The following OPCML variants were observed in gnomAD, a reference collection of about 807,000 sequenced individuals.
OPCML encodes opioid binding protein/cell adhesion molecule like, also known as opioid-binding protein/cell adhesion molecule.
OPCML carries 13 observed loss-of-function variants against 37.8 expected under a neutral mutation model. That is an observed-to-expected ratio of 0.34 (90% CI 0.22 to 0.55). OPCML has a LOEUF of 0.55. Ranked by LOEUF, OPCML falls within the 20% of genes least tolerant of loss-of-function variation. The pLI is 0.91. For missense variants in OPCML, 341 were observed against 435.6 expected, an observed-to-expected ratio of 0.78 and a Z score of 1.93; for synonymous variants, 176 against 168.8, an observed-to-expected ratio of 1.04 and a Z score of -0.33.
chr11:133,499,819 T>C (rs566493882), intron 1 of OPCML, among the ~76,000 whole-genome samples: 7 of 140,736 alleles, frequency 5.0e-5, no homozygotes, highest in South Asian at 2.2e-4. Context: ...TATATATATA[T>C]ACACACATAT....
intron 4 of OPCML, among the ~76,000 whole-genome samples, chr11:132,464,533 G>A (rs1309063157): frequency 1.5e-4 from 23 of 152,104 alleles, no homozygotes; most frequent in Non-Finnish European, 1.5e-5. Flanking sequence ...ACAATTATTT[G>A]TTAAGTAAAA....
chr11:133,373,311 G>A lies in OPCML; in HGVS notation c.61+158953C>T, dbSNP rs532477669. Among the ~76,000 whole-genome samples, 3 of 151,534 alleles carry A rather than the reference G, an allele frequency of 2.0e-5. No homozygotes were observed. The East Asian group carries it at 5.8e-4, about 29-fold the overall frequency. On this transcript the variant is annotated intron_variant, in intron 1 of 7. Coordinates refer to ENST00000524381, the MANE Select transcript of OPCML (RefSeq NM_001012393.5). ...GCCGCAGGGGCTCACACCTGTAATAGCAACACTTTGGGAGGCTGAGGCGGG... is the reference window on the plus strand; with the variant it reads ...GCCGCAGGGGCTCACACCTGTAATAACAACACTTTGGGAGGCTGAGGCGGG...
chr11:132,976,022 G>A (rs116313583), intron 1 of OPCML, among the ~76,000 whole-genome samples: 2,858 of 152,172 alleles, frequency 0.019, 87 homozygotes, highest in African/African-American at 0.064. Context: ...CGCCCACCTC[G>A]GCCTAGCTAT....
intron 2 of OPCML, among the ~76,000 whole-genome samples, chr11:132,898,671 G>T (rs1385981832): frequency 6.6e-6 from 1 of 152,178 alleles, no homozygotes; most frequent in Non-Finnish European, 1.5e-5. Context: ...GAATCACAGA[G>T]TGGGAGTGTC....
intron 2 of OPCML, among the ~76,000 whole-genome samples, chr11:132,774,842 T>G (rs565140711): frequency 6.6e-6 from 1 of 152,302 alleles, no homozygotes; most frequent in South Asian, 2.1e-4. Context: ...TCTTATTGAT[T>G]AATACAAATA....
intron 4 of OPCML, among the ~76,000 whole-genome samples, chr11:132,477,245 A>G (rs529101982): frequency 6.3e-4 from 96 of 152,282 alleles, no homozygotes; most frequent in Admixed American, 1.0e-3. Context: ...CTGGCCCACA[A>G]CACATTCCTG....
chr11:132,652,349 A>AC (rs1941468830), intron 3 of OPCML, among the ~76,000 whole-genome samples: 3 of 142,538 alleles, frequency 2.1e-5, no homozygotes, highest in Non-Finnish European at 4.6e-5. Flanking sequence ...AAGAATGACA[A>AC]ACACACACAC....
chr11:133,345,837 C>T (rs1943989248), intron 1 of OPCML, among the ~76,000 whole-genome samples: 1 of 152,142 alleles, frequency 6.6e-6, no homozygotes. Context: ...TTAGCCTGGT[C>T]CTTTCTGTCT....
At chr11:132,656,156 C>T (rs976109924) in intron 3 of OPCML, among the ~76,000 whole-genome samples, 3 of 152,144 alleles carry the variant, frequency 2.0e-5, no homozygotes, top group African/African-American at 7.2e-5. Flanking sequence ...CTTACAACTT[C>T]ATTCCTGCCG....
At chr11:133,083,687 T>A (rs1166182322) in intron 1 of OPCML, among the ~76,000 whole-genome samples, 1 of 152,232 alleles carries the variant, frequency 6.6e-6, no homozygotes, top group Non-Finnish European at 1.5e-5. Flanking sequence ...GATATTCCTT[T>A]GGAACACGGC....
chr11:132,647,652 T>C (rs1941222993), intron 3 of OPCML, among the ~76,000 whole-genome samples: 1 of 152,160 alleles, frequency 6.6e-6, no homozygotes, highest in Non-Finnish European at 1.5e-5. Flanking sequence ...AAGGTCTTCA[T>C]CATTATTGTC....
At chr11:132,543,975 AG>A (rs1341047426) in intron 3 of OPCML, among the ~76,000 whole-genome samples, 1 of 152,276 alleles carries the variant, frequency 6.6e-6, no homozygotes, top group Admixed American at 6.5e-5. Flanking sequence ...TGAAAAAGGC[AG>A]GGGGGTCTGT....
In OPCML at chr11:132,943,529, A is replaced by G. The variant is rs111305923; in HGVS notation, c.62-519T>C. ...AAAGAAGAAGGCAAGTGTCTCTGACATACAGGAGCTGTCATAAAAAGCTGC... is the reference window on the plus strand; with the variant it reads ...AAAGAAGAAGGCAAGTGTCTCTGACGTACAGGAGCTGTCATAAAAAGCTGC... On this transcript the variant is annotated intron_variant, in intron 1 of 7. Coordinates refer to ENST00000524381, the MANE Select transcript of OPCML (RefSeq NM_001012393.5). This position sits in a 1 kb window ranked among gnomAD's most constrained non-coding sequence, Gnocchi z 4.3. 4 of 198,228 alleles carry G rather than the reference A, an allele frequency of 2.0e-5. No homozygotes were observed. The highest frequency in any genetic ancestry group is 9.1e-5 in the African/African-American group (4 of 43,976). The allele number at this position is 198,228 out of a possible 1,614,324, so 12.3% of individuals were successfully genotyped here. A position where few individuals can be genotyped will look rare whatever the true frequency, so the allele number is the denominator to read the frequency against.
intron 1 of OPCML, among the ~76,000 whole-genome samples, chr11:133,296,679 A>T (rs1358881978): frequency 6.6e-6 from 1 of 152,208 alleles, no homozygotes; most frequent in Non-Finnish European, 1.5e-5. Context: ...AGGCAGATTG[A>T]CTTTTCTCAG....
chr11:133,500,542 C>T (rs983302302), intron 1 of OPCML, among the ~76,000 whole-genome samples: 10 of 152,218 alleles, frequency 6.6e-5, no homozygotes, highest in Admixed American at 3.9e-4. Flanking sequence ...GAGAGTAAGG[C>T]CAAGAGGGAA....
At chr11:133,375,981 G>C (rs910763799) in intron 1 of OPCML, among the ~76,000 whole-genome samples, 2 of 152,172 alleles carry the variant, frequency 1.3e-5, no homozygotes, top group Admixed American at 6.5e-5. Flanking sequence ...CAGAGCCAGG[G>C]AGCAGAAACT....
intron 1 of OPCML, among the ~76,000 whole-genome samples, chr11:133,383,012 G>C (rs556961241): frequency 2.0e-5 from 3 of 152,068 alleles, no homozygotes; most frequent in Admixed American, 1.3e-4. Flanking sequence ...AGCCAAAAAG[G>C]AGCTACATTT....
chr11:133,076,718 T>C (rs60252858), intron 1 of OPCML, among the ~76,000 whole-genome samples: 11,924 of 151,592 alleles, frequency 0.079, 814 homozygotes, highest in East Asian at 0.2. Context: ...GTCATCATCA[T>C]CATCATCATC....
intron 2 of OPCML, among the ~76,000 whole-genome samples, chr11:132,659,670 T>C (rs1565754410): frequency 1.3e-5 from 2 of 152,074 alleles, no homozygotes; most frequent in Non-Finnish European, 2.9e-5. Context: ...TAGAACATAT[T>C]CACATTTAAA....
Sources: gnomAD v4.1 joint callset for allele counts (sites outside exome capture counted in the v4.1 genomes callset) on GRCh38, gnomAD v4.1.1 for gene constraint, Gnocchi (gnomAD v3.1) non-coding constraint, MANE v1.5 for transcripts, NCBI Gene and HGNC (gene_info 2026-07-23, HGNC 2026-07-21) for gene names.